Variants in CAMK2A observed in about 807,000 individuals in gnomAD.
CAMK2A encodes calcium/calmodulin dependent protein kinase II alpha.
Under a neutral mutation model 79.2 loss-of-function variants are expected in CAMK2A, and 7 were observed. That is an observed-to-expected ratio of 0.09 (90% CI 0.05 to 0.17). The LOEUF (loss-of-function observed/expected upper bound fraction) is 0.17, where lower values mean the gene tolerates loss of function less well. Ranked by LOEUF, CAMK2A falls within the 10% of genes least tolerant of loss-of-function variation. The pLI, the probability that CAMK2A is intolerant of heterozygous loss-of-function variation, is 1.00. For missense variants in CAMK2A, 214 were observed against 646.4 expected (o/e 0.33, Z 7.25); for synonymous variants, 242 against 251.7 (o/e 0.96, Z 0.36).
Position 150,283,721 on chromosome 5 carries a change from T to C in CAMK2A, c.62+5843A>G, listed in dbSNP as rs1460448811. On this transcript the variant is annotated intron_variant, in intron 1 of 18. Coordinates refer to ENST00000671881, the MANE Select transcript of CAMK2A (RefSeq NM_015981.4). ...ATGATTTCTGAAGTGATTTAATTAA[T>C]GTTGGCTTTGCACTGGATTGTGAGC... Among the ~76,000 whole-genome samples, 3 of 152,230 alleles carry C rather than the reference T, an allele frequency of 2.0e-5. 1 individual carries two copies. The highest frequency in any genetic ancestry group is 2.0e-4 in the Admixed American group (3 of 15,280).
At chr5:150,278,353 C>A (rs1222412412) in intron 1 of CAMK2A, among the ~76,000 whole-genome samples, 1 of 150,832 alleles carries the variant, frequency 6.6e-6, no homozygotes, top group Non-Finnish European at 1.5e-5. Flanking sequence ...GCAGCCCTAA[C>A]TTCCTCCCTT....
chr5:150,248,669 C>T (rs2150277536), intron 11 of CAMK2A, among the ~76,000 whole-genome samples: 1 of 152,182 alleles, frequency 6.6e-6, no homozygotes, highest in Non-Finnish European at 1.5e-5. Context: ...AGGAACTCAT[C>T]ATTTTTTATG....
At chr5:150,270,936 AGT>A in intron 2 of CAMK2A, among the ~76,000 whole-genome samples, 1 of 151,938 alleles carries the variant, frequency 6.6e-6, no homozygotes, top group Non-Finnish European at 1.5e-5. Context: ...TCAACGTGCA[AGT>A]GTGTGTGTGA....
chr5:150,279,370 C>T (rs1470439022), intron 1 of CAMK2A, among the ~76,000 whole-genome samples: 1 of 152,198 alleles, frequency 6.6e-6, no homozygotes, highest in Non-Finnish European at 1.5e-5. Context: ...GCTACTTCTT[C>T]CTAGCAAGCT....
chr5:150,240,537 T>C (rs556218491), intron 13 of CAMK2A, among the ~76,000 whole-genome samples: 1 of 152,218 alleles, frequency 6.6e-6, no homozygotes, highest in Non-Finnish European at 1.5e-5. Context: ...TAGCATCCCC[T>C]GTATTGGCTA....
chr5:150,251,639 A>T (rs1004888355), intron 9 of CAMK2A, 111 bp downstream of exon 9: 38 of 739,560 alleles, frequency 5.1e-5, no homozygotes, highest in Admixed American at 9.8e-5. Flanking sequence ...GTCAGTCTTC[A>T]TGCTCCCCTG....
chr5:150,244,583 C>T (rs1755479355), intron 13 of CAMK2A, among the ~76,000 whole-genome samples: 1 of 152,154 alleles, frequency 6.6e-6, no homozygotes, highest in Admixed American at 6.5e-5. Flanking sequence ...CAGGGTAACT[C>T]GGGCTCTAGG....
intron 16 of CAMK2A, among the ~76,000 whole-genome samples, chr5:150,228,655 A>G (rs1754710125): frequency 6.6e-6 from 1 of 152,120 alleles, no homozygotes; most frequent in Admixed American, 6.5e-5. Flanking sequence ...TCCCTGGTTC[A>G]GGGCAGTGGA....
chr5:150,282,789 G>A (rs935823220), intron 1 of CAMK2A, among the ~76,000 whole-genome samples: 3 of 152,378 alleles, frequency 2.0e-5, no homozygotes, highest in African/African-American at 4.8e-5. Context: ...ATGAGGGTAG[G>A]GACCTAGGGC....
chr5:150,226,605 C>T (rs1754606649), intron 17 of CAMK2A, among the ~76,000 whole-genome samples: 1 of 150,942 alleles, frequency 6.6e-6, no homozygotes, highest in South Asian at 2.1e-4. Flanking sequence ...GGTGTGTTGG[C>T]GGGCACCTGT....
At chr5:150,231,241 A>G in intron 16 of CAMK2A, 64 bp downstream of exon 16, 1 of 867,452 alleles carries the variant, frequency 1.2e-6, no homozygotes, top group Non-Finnish European at 1.8e-6. Context: ...CCCCAAAGTT[A>G]GCCATTGGTA....
intron 1 of CAMK2A, among the ~76,000 whole-genome samples, chr5:150,274,214 G>T (rs575415928): frequency 3.0e-4 from 46 of 152,314 alleles, no homozygotes; most frequent in Middle Eastern, 3.4e-3. Flanking sequence ...AGGCTCTTGG[G>T]ATTTTATCCT....
At chr5:150,248,297 CTT>C (rs1192368436) in intron 11 of CAMK2A, among the ~76,000 whole-genome samples, 2 of 140,692 alleles carry the variant, frequency 1.4e-5, no homozygotes, top group Admixed American at 7.1e-5. Context: ...AGGATTTTCT[CTT>C]TTTTTTTTTT....
chr5:150,229,100 A>G (rs1002237627), intron 16 of CAMK2A, among the ~76,000 whole-genome samples: 2 of 152,180 alleles, frequency 1.3e-5, no homozygotes, highest in African/African-American at 2.4e-5. Flanking sequence ...ATGTCCCAGG[A>G]CAAGCAAAGC....
intron 11 of CAMK2A, among the ~76,000 whole-genome samples, chr5:150,248,255 C>T (rs906644653): frequency 6.6e-6 from 1 of 151,836 alleles, no homozygotes; most frequent in South Asian, 2.1e-4. Flanking sequence ...TAGCTCATCC[C>T]TCCATGGCCC....
At chr5:150,283,966 C>G (rs2150311081) in intron 1 of CAMK2A, among the ~76,000 whole-genome samples, 1 of 152,304 alleles carries the variant, frequency 6.6e-6, no homozygotes, top group South Asian at 2.1e-4. Flanking sequence ...CCGTGGTAGA[C>G]AGCCATGCCA....
intron 1 of CAMK2A, among the ~76,000 whole-genome samples, chr5:150,288,758 A>C (rs929928516): frequency 6.6e-6 from 1 of 152,082 alleles, no homozygotes; most frequent in African/African-American, 2.4e-5. Flanking sequence ...TCCCTCCCTG[A>C]CACTCCACAC....
At chr5:150,271,434 A>G (rs891369913) in intron 2 of CAMK2A, among the ~76,000 whole-genome samples, 9 of 152,196 alleles carry the variant, frequency 5.9e-5, no homozygotes, top group Non-Finnish European at 1.3e-4. Context: ...ACACAGTCCA[A>G]CATGAGGCCT....
At chr5:150,268,630 T>C (rs1192335839) in intron 2 of CAMK2A, among the ~76,000 whole-genome samples, 1 of 152,220 alleles carries the variant, frequency 6.6e-6, no homozygotes, top group South Asian at 2.1e-4. Context: ...ACCTTTTCTG[T>C]TGGTCACTGC....
Sources: gnomAD v4.1 joint callset for allele counts (sites outside exome capture counted in the v4.1 genomes callset) on GRCh38, gnomAD v4.1.1 for gene constraint, MANE v1.5 for transcripts, NCBI Gene and HGNC (gene_info 2026-07-23, HGNC 2026-07-21) for gene names.